The following COL5A1 variants were observed in gnomAD, a reference collection of about 807,000 sequenced individuals.
COL5A1 encodes the protein collagen type V alpha 1 chain.
In COL5A1, 16 loss-of-function variants were observed where a neutral mutation model predicts 263.7. That is an observed-to-expected ratio of 0.06 (90% CI 0.04 to 0.09). The LOEUF (loss-of-function observed/expected upper bound fraction) is 0.09, where lower values mean the gene tolerates loss of function less well. Ranked by LOEUF, COL5A1 falls within the 10% of genes least tolerant of loss-of-function variation. COL5A1 has a pLI of 1.00. For missense variants in COL5A1, 2,036 were observed against 2,540.5 expected (o/e 0.80, Z 4.27); for synonymous variants, 1,012 against 1,004.5 (o/e 1.01, Z -0.14).
chr9:134,687,110 C>T (rs1833105329), intron 1 of COL5A1, among the ~76,000 whole-genome samples: 1 of 152,158 alleles, frequency 6.6e-6, no homozygotes, highest in Non-Finnish European at 1.5e-5. Flanking sequence ...TGCCCTGAAG[C>T]TGGTCCCAGG....
chr9:134,787,149 C>T (rs1564458483), intron 31 of COL5A1, among the ~76,000 whole-genome samples: 1 of 152,224 alleles, frequency 6.6e-6, no homozygotes, highest in East Asian at 1.9e-4. Flanking sequence ...GGGCACTTTT[C>T]CTCTCTTAAT....
chr9:134,771,962 C>T (rs72774439), intron 25 of COL5A1, among the ~76,000 whole-genome samples: 3,840 of 152,282 alleles, frequency 0.025, 49 homozygotes, highest in East Asian at 0.052. Flanking sequence ...CCGAGTGACC[C>T]GCCTGGGTTG....
chr9:134,802,922 G>T lies in COL5A1; in HGVS notation c.3041G>T (p.Arg1014Leu). 1 of 1,612,336 alleles carries T rather than the reference G, an allele frequency of 6.2e-7. No homozygotes were observed. Among genetic ancestry groups the T allele is most frequent in the Non-Finnish European group, 8.5e-7 (1 of 1,179,690 alleles). ...PTGETGPMGE[R>L]GHPGPPGPPG... ...GGAGAAACGGGCCCAATGGGTGAGCGTGGCCACCCTGGGCCCCCTGGACCC... is the reference window on the plus strand; with the variant it reads ...GGAGAAACGGGCCCAATGGGTGAGCTTGGCCACCCTGGGCCCCCTGGACCC... The change falls in exon 39 of 66, where the codon CGT becomes CTT. Residue 1014 changes from arginine (R) to leucine (L), a missense_variant. Around this residue, in one of 3 missense-constraint regions of COL5A1, gnomAD observed 1,078 missense variants for 1,521.4 expected, o/e 0.71. Transcript: ENST00000371817.
In COL5A1 at chr9:134,765,009, G is replaced by T. The variant is rs891953359; in HGVS notation, c.2035-672G>T. ...GCCTCTGTAATTCTCCGTGGGTGGG[G>T]GGTGTGAGTGCCCTGTGGCAGGCAG... is the stretch of plus-strand genomic sequence containing the variant. On this transcript the variant is annotated intron_variant, in intron 20 of 65. Coordinates refer to ENST00000371817, the MANE Select transcript of COL5A1 (RefSeq NM_000093.5). This position sits in a 1 kb window ranked among gnomAD's most constrained non-coding sequence, Gnocchi z 5.1. 6.6e-6 allele frequency among the ~76,000 whole-genome samples: 1 copy of T among 152,156 alleles called. No homozygotes were observed.
Position 134,678,210 on chromosome 9 carries a change from G to T in COL5A1, c.110-12702G>T, listed in dbSNP as rs1166711910. Among the ~76,000 whole-genome samples, 2 of 152,190 alleles carry T rather than the reference G, an allele frequency of 1.3e-5. No homozygotes were observed. The highest frequency in any genetic ancestry group is 2.9e-5 in the Non-Finnish European group (2 of 68,030). ...ACTCAGGTGGTCTGTATCTCTGGTG[G>T]TCTGTGGCTCTGAAGCCATGGGCAG... On this transcript the variant is annotated intron_variant, in intron 1 of 65. Transcript: ENST00000371817. This position sits in a 1 kb window ranked among gnomAD's most constrained non-coding sequence, Gnocchi z 5.5.
intron 19 of COL5A1, 36 bp from the exon 20 acceptor site, chr9:134,763,657 T>C (rs747869419): frequency 6.2e-7 from 1 of 1,610,196 alleles, no homozygotes; most frequent in Non-Finnish European, 8.5e-7. Context: ...GGCTAACAGC[T>C]CATTTCTCTA....
intron 43 of COL5A1, among the ~76,000 whole-genome samples, chr9:134,809,698 A>G (rs1011690776): frequency 1.3e-5 from 2 of 152,234 alleles, no homozygotes; most frequent in African/African-American, 2.4e-5. Flanking sequence ...GCTCCCGTTC[A>G]TTAAGAATGT....
intron 50 of COL5A1, 143 bp from the exon 51 acceptor site, chr9:134,815,433 G>A: frequency 1.2e-6 from 1 of 832,642 alleles, no homozygotes; most frequent in Non-Finnish European, 2.0e-6. Context: ...GCCATAAAGT[G>A]CACTGGGTTG....
At chr9:134,801,904 G>A (rs1449359763) in intron 37 of COL5A1, 50 bp from the exon 38 acceptor site, 1 of 1,558,838 alleles carries the variant, frequency 6.4e-7, no homozygotes, top group Non-Finnish European at 8.8e-7. Flanking sequence ...GCAGGGCAGG[G>A]TGGCGCAGGC....
chr9:134,799,981 G>A (rs558350988), intron 37 of COL5A1, among the ~76,000 whole-genome samples: 1 of 152,288 alleles, frequency 6.6e-6, no homozygotes, highest in African/African-American at 2.4e-5. Flanking sequence ...GACACATGGC[G>A]CTGGAGTGAT....
At chr9:134,743,530 T>C (rs1303434614) in intron 11 of COL5A1, among the ~76,000 whole-genome samples, 1 of 152,168 alleles carries the variant, frequency 6.6e-6, no homozygotes, top group Non-Finnish European at 1.5e-5. Context: ...AGGGATTCAG[T>C]ATGCAGGTTT....
chr9:134,683,649 A>AGT (rs1408724199), intron 1 of COL5A1, among the ~76,000 whole-genome samples: 1 of 152,132 alleles, frequency 6.6e-6, no homozygotes, highest in Admixed American at 6.5e-5. Context: ...CTGAGTGCCC[A>AGT]GTGTGTGTGG....
Position 134,815,625 on chromosome 9 carries a change from C to A in COL5A1, c.4064C>A (p.Pro1355His). 6.2e-7 allele frequency: 1 copy of A among 1,613,704 alleles called. No individual in the cohort carries two copies. ...GDPGPPGEPG[P>H]AGQDGPPGDK... ...CCTGGCCCCCCCGGAGAGCCTGGCC[C>A]CGCGGTAGGTGCTCAAGAGGGCAAA... The change falls in exon 51 of 66, where the codon CCC becomes CAC. Residue 1355 changes from proline to histidine, a missense_variant. This residue lies in a region of COL5A1 where 1,078 missense variants were observed against 1,521.4 expected (regional missense o/e 0.71). Transcript: ENST00000371817.
chr9:134,828,819 ACACAC>A (rs1306817755), intron 63 of COL5A1, among the ~76,000 whole-genome samples: 2 of 146,454 alleles, frequency 1.4e-5, no homozygotes, highest in African/African-American at 2.7e-5. Flanking sequence ...TACCACACAC[ACACAC>A]CACACATCAC....
intron 1 of COL5A1, among the ~76,000 whole-genome samples, chr9:134,648,348 T>G (rs1831547126): frequency 6.6e-6 from 1 of 151,380 alleles, no homozygotes; most frequent in African/African-American, 2.4e-5. Context: ...CTATTAGTTC[T>G]GTCCCTCTAA....
intron 41 of COL5A1, among the ~76,000 whole-genome samples, chr9:134,805,752 T>A (rs56013225): frequency 0.053 from 7,993 of 151,680 alleles, 292 homozygotes; most frequent in African/African-American, 0.11. Context: ...GGGTGCCCCA[T>A]GGGCATGGGG....
At position 134,818,931 on chromosome 9, in the gene COL5A1, C is replaced by T. The variant is rs146189396; in HGVS notation, c.4392+30C>T. 6.2e-5 allele frequency: 100 copies of T among 1,612,902 alleles called. 1 individual carries two copies. In the African/African-American group the frequency reaches 8.8e-4, roughly 14 times the overall value. On this transcript the variant is annotated intron_variant, in intron 56 of 65. Transcript: ENST00000371817. This position sits in a 1 kb window ranked among gnomAD's most constrained non-coding sequence, Gnocchi z 6.0. ...GTCACATTCCTCATGGTGAGCATAG[C>T]GGGTGGGATGACTTCGCCACCCAAA...
chr9:134,810,470 T>C, intron 44 of COL5A1, 162 bp downstream of exon 44: 1 of 657,700 alleles, frequency 1.5e-6, no homozygotes, highest in Non-Finnish European at 2.7e-6. Flanking sequence ...AACGTGTGTG[T>C]GTGCACACGC....
chr9:134,764,416 G>A (rs1004607350), intron 20 of COL5A1, among the ~76,000 whole-genome samples: 2 of 57,608 alleles, frequency 3.5e-5, no homozygotes, highest in Non-Finnish European at 6.1e-5. Context: ...GGGGCATTGT[G>A]GGGGGGGTCA....
Sources: allele counts gnomAD v4.1 joint callset (sites outside exome capture counted in the v4.1 genomes callset), GRCh38; gene constraint gnomAD v4.1.1; regional missense constraint gnomAD v4.1.1; non-coding constraint Gnocchi (gnomAD v3.1); transcripts MANE v1.5; gene names NCBI Gene and HGNC (gene_info 2026-07-23, HGNC 2026-07-21).